Variants in ZGPAT observed in about 807,000 individuals in gnomAD.
ZGPAT encodes zinc finger CCCH-type with G patch domain-containing protein.
A neutral mutation model predicts 47.9 loss-of-function variants in ZGPAT; 39 were observed. The observed-to-expected ratio is 0.81, with a 90% CI of 0.63 to 1.06. The LOEUF is 1.06. ZGPAT is among the 50% of genes least tolerant of loss of function. ZGPAT has a pLI of 0.00. For synonymous variants in ZGPAT, 348 were observed against 292.9 expected, an observed-to-expected ratio of 1.19 and a Z score of -1.92; for missense variants, 717 against 681.4, an observed-to-expected ratio of 1.05 and a Z score of -0.58.
chr20:63,727,259 T>A (rs1260089566), intron 2 of ZGPAT, among the ~76,000 whole-genome samples: 1 of 151,090 alleles, frequency 6.6e-6, no homozygotes, highest in Non-Finnish European at 1.5e-5. Flanking sequence ...TTTTTTTTTT[T>A]AGACAGAGTC....
At chr20:63,733,106 G>T in intron 2 of ZGPAT, 113 bp from the exon 3 acceptor site, 1 of 1,396,498 alleles carries the variant, frequency 7.2e-7, no homozygotes, top group Admixed American at 2.1e-5. Context: ...ATACGCACGC[G>T]TGTGTGTCTG....
chr20:63,734,801 A>C lies in ZGPAT; in HGVS notation c.968A>C (p.Lys323Thr). The change falls in exon 5 of 7, where the codon AAG becomes ACG. Residue 323 changes from lysine (K) to threonine (T), a missense_variant. Transcript: ENST00000355969. ...GGTATAGGCTCCAGACTCCTCACCA[A>C]GATGGGCTATGAGTTTGGCAAGGGT... ...TRGIGSRLLTKMGYEFGKGLG... is the reference protein window; with the variant it reads ...TRGIGSRLLTTMGYEFGKGLG... 1.2e-6 allele frequency: 2 copies of C among 1,605,912 alleles called. No homozygotes were observed. Among genetic ancestry groups the C allele is most frequent in the Non-Finnish European group, 1.7e-6 (2 of 1,175,862 alleles).
Position 63,735,186 on chromosome 20 carries a change from TGGA to T in ZGPAT, c.1021_1023del (p.Glu341del). 1 of 1,530,898 alleles carries T rather than the reference TGGA, an allele frequency of 6.5e-7. No homozygotes were observed. Among genetic ancestry groups the T allele is most frequent in the African/African-American group, 1.4e-5 (1 of 72,258 alleles). 94.8% of individuals were successfully genotyped at this position (1,530,898 alleles called of 1,614,324 possible). On this transcript the variant is annotated inframe_deletion, in exon 6 of 7. Transcript: ENST00000355969. ...TTGGGCCGACACGCGGAAGGCCGGG[TGGA>T]GCCCATCCATGCTGTGGTGTTGCCT...
At chr20:63,713,033 A>G (rs940658477) in intron 2 of ZGPAT, among the ~76,000 whole-genome samples, 1 of 152,112 alleles carries the variant, frequency 6.6e-6, no homozygotes, top group African/African-American at 2.4e-5. Context: ...TCTTGGTTAA[A>G]TAAGTATTAT....
At chr20:63,728,510 T>C (rs1020446475) in intron 2 of ZGPAT, among the ~76,000 whole-genome samples, 2 of 151,984 alleles carry the variant, frequency 1.3e-5, no homozygotes, top group Non-Finnish European at 2.9e-5. Flanking sequence ...CCCTCTCTCT[T>C]TGCTTTCACT....
At chr20:63,715,499 G>A (rs887110044) in intron 2 of ZGPAT, among the ~76,000 whole-genome samples, 16 of 151,928 alleles carry the variant, frequency 1.1e-4, no homozygotes, top group Non-Finnish European at 1.8e-4. Flanking sequence ...TTGGCCTCCC[G>A]AAGTGCTGGG....
intron 2 of ZGPAT, among the ~76,000 whole-genome samples, chr20:63,709,809 G>A (rs2091640465): frequency 6.6e-6 from 1 of 151,988 alleles, no homozygotes; most frequent in South Asian, 2.1e-4. Context: ...CCCCCTAGGA[G>A]CTGGGCTACA....
At position 63,733,207 on chromosome 20, in the gene ZGPAT, C is replaced by T. The variant is rs1281959753; in HGVS notation, c.585-12C>T. 1.2e-6 allele frequency: 2 copies of T among 1,611,970 alleles called. No individual in the cohort carries two copies. The highest frequency in any genetic ancestry group is 8.5e-7 in the Non-Finnish European group (1 of 1,178,578). The stretch of plus-strand genomic sequence containing the variant: ...CATGTCTGAGCCCTGCCCCTTACGG[C>T]TCTGTCTGCAGGTTCTCCCATGGGC... On this transcript the variant is annotated splice_polypyrimidine_tract_variant and intron_variant, in intron 2 of 6. Coordinates refer to ENST00000355969, the MANE Select transcript of ZGPAT (RefSeq NM_181485.3).
chr20:63,722,256 A>G (rs1024824062), intron 2 of ZGPAT, among the ~76,000 whole-genome samples: 2 of 152,192 alleles, frequency 1.3e-5, no homozygotes, highest in African/African-American at 4.8e-5. Flanking sequence ...GTGGCTGAGC[A>G]GAAATAGCCC....
rs867435294 is a variant in ZGPAT at position 63,708,739 on chromosome 20, C to T, written c.159C>T (p.Ser53=). The change falls in exon 2 of 7, where the codon AGC becomes AGT. Residue 53 remains serine (S), a synonymous_variant. Transcript: ENST00000355969. ...AGCTCATCGAGCTCACCGAGGCCAG[C>T]CTGGTGTCTGTCAGGAAGAGCAGCT... ...LKELIELTEA[S]LVSVRKSSLL... 6.2e-7 allele frequency: 1 copy of T among 1,612,626 alleles called. No individual in the cohort carries two copies. Among genetic ancestry groups the T allele is most frequent in the Non-Finnish European group, 8.5e-7 (1 of 1,179,734 alleles).
chr20:63,726,186 G>A (rs1034853100), intron 2 of ZGPAT, among the ~76,000 whole-genome samples: 3 of 143,456 alleles, frequency 2.1e-5, no homozygotes, highest in African/African-American at 7.9e-5. Flanking sequence ...CAAATCTGCC[G>A]TTGAGTACAT....
chr20:63,717,267 T>G (rs1485735001), intron 2 of ZGPAT, among the ~76,000 whole-genome samples: 1 of 152,024 alleles, frequency 6.6e-6, no homozygotes, highest in Non-Finnish European at 1.5e-5. Flanking sequence ...TAATTTGCTC[T>G]TTTTTTCCCC....
chr20:63,733,077 TGTGTGAGA>T, intron 2 of ZGPAT, 134 bp from the exon 3 acceptor site: 8 of 1,032,690 alleles, frequency 7.7e-6, no homozygotes, highest in Admixed American at 2.6e-5. Flanking sequence ...TGTGCGTGAG[TGTGTGAGA>T]GTGTGTATGT....
At chr20:63,731,478 A>G (rs1275108410) in intron 2 of ZGPAT, among the ~76,000 whole-genome samples, 1 of 104,020 alleles carries the variant, frequency 9.6e-6, no homozygotes, top group African/African-American at 2.9e-5. Context: ...GTGCATGTGC[A>G]TACGTGTGTA....
chr20:63,732,222 TGG>T (rs2091913071), intron 2 of ZGPAT, among the ~76,000 whole-genome samples: 4 of 99,750 alleles, frequency 4.0e-5, no homozygotes, highest in Admixed American at 1.0e-4. Flanking sequence ...TGTGCATGTT[TGG>T]GTGCGGGTGC....
chr20:63,730,463 G>A (rs1046343862), intron 2 of ZGPAT: 7 of 152,224 alleles, frequency 4.6e-5, no homozygotes, highest in African/African-American at 1.7e-4. Flanking sequence ...TCCATGTCAC[G>A]GGCTGAAGGC....
intron 2 of ZGPAT, among the ~76,000 whole-genome samples, chr20:63,718,770 T>G (rs1454457769): frequency 6.6e-6 from 1 of 151,466 alleles, no homozygotes; most frequent in African/African-American, 2.4e-5. Context: ...TTCAAGACTT[T>G]AAAAATGCCA....
rs954385455 is a variant in ZGPAT, at chr20:63,708,605, G to C, written c.25G>C (p.Ala9Pro). 1.9e-6 allele frequency: 3 copies of C among 1,606,642 alleles called. No homozygotes were observed. Among genetic ancestry groups the C allele is most frequent in the Non-Finnish European group, 8.5e-7 (1 of 1,175,624 alleles). MDEESLES[A>P]LQTYRAQLQQ... ...CATGGACGAGGAGAGCCTGGAGTCGGCCTTGCAGACCTACCGTGCGCAGCT... is the reference window on the plus strand; with the variant it reads ...CATGGACGAGGAGAGCCTGGAGTCGCCCTTGCAGACCTACCGTGCGCAGCT... Residue 9 changes from alanine (A) to proline (P), a missense_variant, in exon 2 of 7, where the codon GCC becomes CCC. Transcript: ENST00000355969.
chr20:63,734,514 C>T (rs2427533), intron 4 of ZGPAT, 191 bp from the exon 5 acceptor site: 261,523 of 1,119,102 alleles, frequency 0.23, 35,389 homozygotes, highest in East Asian at 0.61. Flanking sequence ...GCCTCGGTGA[C>T]GAGAGCACGG....
Sources: allele counts gnomAD v4.1 joint callset (sites outside exome capture counted in the v4.1 genomes callset), GRCh38; gene constraint gnomAD v4.1.1; transcripts MANE v1.5; gene names NCBI Gene and HGNC (gene_info 2026-07-23, HGNC 2026-07-21).